DMD: variants seen among roughly 807,000 people sequenced by gnomAD.
DMD encodes the protein mutant dystrophin.
Under a neutral mutation model 330.1 loss-of-function variants are expected in DMD, and 63 were observed. The observed-to-expected ratio is 0.19, with a 90% CI of 0.16 to 0.24. DMD has a LOEUF of 0.24. Among genes scored for constraint, DMD ranks in the 10% least tolerant of loss-of-function variants. The pLI is 1.00. For synonymous variants in DMD, 1,223 were observed against 959.8 expected (o/e 1.27, Z -5.07); for missense variants, 3,344 against 2,684.1 (o/e 1.25, Z -5.43).
chrX:32,848,203 C>G (rs1433878063), intron 3 of DMD, among the ~76,000 whole-genome samples: 1 of 111,805 alleles, frequency 8.9e-6, no homozygotes, highest in African/African-American at 3.3e-5. Flanking sequence ...AAGCCATAAT[C>G]TTTGAAAGAT....
intron 12 of DMD, among the ~76,000 whole-genome samples, chrX:32,612,803 G>A (rs910816231): frequency 2.7e-5 from 3 of 110,905 alleles, no homozygotes; most frequent in African/African-American, 9.8e-5. Context: ...AGCAGACGGG[G>A]ATTACCATAG....
intron 1 of DMD, among the ~76,000 whole-genome samples, chrX:33,259,363 AGTGT>A (rs2052912987): frequency 9.1e-6 from 1 of 110,265 alleles, no homozygotes; most frequent in Non-Finnish European, 1.9e-5. Context: ...GGTTTCACTC[AGTGT>A]TGTACATGCT....
intron 11 of DMD, among the ~76,000 whole-genome samples, chrX:32,622,716 T>G (rs1018856477): frequency 3.6e-5 from 4 of 111,922 alleles, no homozygotes; most frequent in Non-Finnish European, 7.5e-5. Context: ...CTCATCTCAC[T>G]TCCTTATGTT....
chrX:31,587,449 C>A (rs1442240863), intron 55 of DMD, among the ~76,000 whole-genome samples: 1 of 112,029 alleles, frequency 8.9e-6, no homozygotes, highest in Admixed American at 9.4e-5. Context: ...ATATATACAA[C>A]CTTTATCAAT....
At chrX:31,178,602 G>A in intron 70 of DMD, 67 bp downstream of exon 70, 5 of 1,146,112 alleles carry the variant, frequency 4.4e-6, no homozygotes, top group Non-Finnish European at 4.7e-6. Flanking sequence ...GTGAAGGAGG[G>A]TGTTCAGCTG....
chrX:32,859,461 TCACACACACACACACA>T (rs35537635), intron 2 of DMD, among the ~76,000 whole-genome samples: 6,417 of 86,008 alleles, frequency 0.075, 418 homozygotes, highest in African/African-American at 0.2. Context: ...AAGCAAGATC[TCACACACACACACACA>T]CACACACACA....
chrX:31,986,423 T>A (rs142260919), intron 44 of DMD, among the ~76,000 whole-genome samples: 1,173 of 110,924 alleles, frequency 0.011, 21 homozygotes, highest in African/African-American at 0.037. Flanking sequence ...TTTGTTTTGT[T>A]TTTTTTCTGA....
chrX:31,418,041 A>AT (rs1412350297), intron 60 of DMD, among the ~76,000 whole-genome samples: 5 of 110,557 alleles, frequency 4.5e-5, no homozygotes, highest in African/African-American at 1.6e-4. Context: ...TAAAAAAAAA[A>AT]AAAAAAGAAT....
At chrX:31,396,137 A>ATTTTT (rs773913224) in intron 60 of DMD, among the ~76,000 whole-genome samples, 1 of 90,024 alleles carries the variant, frequency 1.1e-5, no homozygotes, top group African/African-American at 4.5e-5. Flanking sequence ...AAAGATGACA[A>ATTTTT]TTTTTTTTTT....
intron 77 of DMD, 133 bp from the exon 78 acceptor site, chrX:31,126,806 A>T: frequency 1.5e-3 from 80 of 53,280 alleles, no homozygotes; most frequent in Non-Finnish European, 2.4e-3. Flanking sequence ...TCTGCTGGAA[A>T]AAAAAAAAAA....
At chrX:31,156,391 A>G in intron 74 of DMD, among the ~76,000 whole-genome samples, 1 of 111,485 alleles carries the variant, frequency 9.0e-6, no homozygotes, top group Non-Finnish European at 1.9e-5. Context: ...GAAAAAAATA[A>G]AAGCTTTGCC....
intron 7 of DMD, among the ~76,000 whole-genome samples, chrX:32,701,345 C>T (rs2064114334): frequency 8.9e-6 from 1 of 112,038 alleles, no homozygotes; most frequent in South Asian, 3.6e-4. Context: ...CAACTTATTA[C>T]ACTTTAATTA....
At chrX:33,001,652 T>A in intron 2 of DMD, among the ~76,000 whole-genome samples, 1 of 111,347 alleles carries the variant, frequency 9.0e-6, no homozygotes, top group South Asian at 3.8e-4. Flanking sequence ...TAGAAAAGAA[T>A]TGGTTGAAGA....
chrX:32,593,066 G>T (rs1601964795), intron 13 of DMD, among the ~76,000 whole-genome samples: 1 of 112,711 alleles, frequency 8.9e-6, no homozygotes, highest in East Asian at 2.8e-4. Context: ...GGCAGGCATG[G>T]GGATCCGGGC....
intron 22 of DMD, among the ~76,000 whole-genome samples, 188 bp from the exon 23 acceptor site, chrX:32,468,898 T>G (rs1412734262): frequency 9.0e-6 from 1 of 111,199 alleles, no homozygotes; most frequent in Non-Finnish European, 1.9e-5. Context: ...AACTTGAATA[T>G]TATTTAGTGG....
intron 66 of DMD, 26 bp downstream of exon 66, chrX:31,206,556 A>G: frequency 8.8e-7 from 1 of 1,138,429 alleles, no homozygotes; most frequent in Non-Finnish European, 1.2e-6. Flanking sequence ...TAATAAAAGA[A>G]TACAGCATTA....
chrX:32,252,459 C>T (rs1277414916), intron 43 of DMD, among the ~76,000 whole-genome samples: 2 of 104,777 alleles, frequency 1.9e-5, no homozygotes, highest in African/African-American at 7.0e-5. Context: ...AAGGCAGAAA[C>T]AATGTGTTCT....
chrX:32,320,759 T>C (rs1417779006), intron 41 of DMD, among the ~76,000 whole-genome samples: 1 of 111,939 alleles, frequency 8.9e-6, no homozygotes, highest in Admixed American at 9.5e-5. Flanking sequence ...CTTTTTCAAA[T>C]TGCTTATTAA....
At chrX:31,965,419 A>C (rs1381313257) in intron 45 of DMD, among the ~76,000 whole-genome samples, 2 of 111,951 alleles carry the variant, frequency 1.8e-5, no homozygotes, top group Non-Finnish European at 3.8e-5. Context: ...TGATAAGCAT[A>C]AATGATATTT....
Sources: gnomAD v4.1 joint callset for allele counts (sites outside exome capture counted in the v4.1 genomes callset) on GRCh38, gnomAD v4.1.1 for gene constraint, MANE v1.5 for transcripts, NCBI Gene and HGNC (gene_info 2026-07-23, HGNC 2026-07-21) for gene names.